The following CIMIP6 variants were observed in gnomAD, a reference collection of about 807,000 sequenced individuals.
CIMIP6 encodes the protein ciliary microtubule inner protein 6.
the CIMIP6 span, among the ~76,000 whole-genome samples, chr2:54,335,361 C>A: frequency 6.6e-6 from 1 of 152,114 alleles, no homozygotes; most frequent in African/African-American, 2.4e-5. Flanking sequence ...CACATACCTT[C>A]TGTAAAATAA....
chr2:54,368,342 G>A, the CIMIP6 span, among the ~76,000 whole-genome samples: 1 of 151,696 alleles, frequency 6.6e-6, no homozygotes, highest in South Asian at 2.1e-4. Context: ...TTTGTGTACA[G>A]TAATTCTTAT....
At chr2:54,370,493 G>A in the CIMIP6 span, among the ~76,000 whole-genome samples, 6 of 151,804 alleles carry the variant, frequency 4.0e-5, no homozygotes, top group Non-Finnish European at 7.4e-5. Context: ...TACAGAACTT[G>A]CCATACAGTT....
chr2:54,346,961 T>A, the CIMIP6 span, among the ~76,000 whole-genome samples: 2 of 152,238 alleles, frequency 1.3e-5, no homozygotes, highest in African/African-American at 2.4e-5. Flanking sequence ...CTATTGCTCA[T>A]AATGTGAGGA....
chr2:54,377,941 A>G, the CIMIP6 span, among the ~76,000 whole-genome samples: 2 of 152,236 alleles, frequency 1.3e-5, no homozygotes, highest in South Asian at 2.1e-4. Context: ...CGTGTGAAGT[A>G]TAAGGGTTGA....
At chr2:54,361,583 A>C in the CIMIP6 span, 3 of 152,214 alleles carry the variant, frequency 2.0e-5, no homozygotes, top group Non-Finnish European at 4.4e-5. Context: ...ACTGCAAAAT[A>C]ATGAATGTCA....
the CIMIP6 span, among the ~76,000 whole-genome samples, chr2:54,379,959 AAG>A: frequency 4.1e-4 from 59 of 144,388 alleles, 2 homozygotes; most frequent in African/African-American, 1.6e-3. Flanking sequence ...CCTGGGTGAC[AAG>A]AGTGAAAGTC....
the CIMIP6 span, among the ~76,000 whole-genome samples, chr2:54,366,912 T>C: frequency 3.9e-5 from 6 of 152,094 alleles, no homozygotes; most frequent in Admixed American, 6.6e-5. Flanking sequence ...ATATTTTAAC[T>C]CAGTAATCTC....
chr2:54,372,812 G>A, the CIMIP6 span, among the ~76,000 whole-genome samples: 5 of 152,320 alleles, frequency 3.3e-5, no homozygotes, highest in East Asian at 9.6e-4. Context: ...ACAAAGTGGT[G>A]GTGTTTGCTG....
the CIMIP6 span, among the ~76,000 whole-genome samples, chr2:54,382,738 C>T: frequency 1.3e-5 from 2 of 152,192 alleles, no homozygotes; most frequent in Non-Finnish European, 2.9e-5. Flanking sequence ...TTCACATTCA[C>T]TTAATTGGAC....
At chr2:54,343,079 G>A in the CIMIP6 span, among the ~76,000 whole-genome samples, 1 of 152,250 alleles carries the variant, frequency 6.6e-6, no homozygotes, top group South Asian at 2.1e-4. Context: ...TTAGAACAAA[G>A]TTTATCAAAC....
chr2:54,355,389 C>G, the CIMIP6 span, among the ~76,000 whole-genome samples: 7 of 152,236 alleles, frequency 4.6e-5, no homozygotes, highest in Admixed American at 3.9e-4. Context: ...GGCACTCACT[C>G]CCAGGGTCAT....
At chr2:54,331,216 G>A in the CIMIP6 span, among the ~76,000 whole-genome samples, 6 of 152,012 alleles carry the variant, frequency 3.9e-5, no homozygotes, top group Admixed American at 3.3e-4. Flanking sequence ...TTGCATTACC[G>A]GATCTAAAAT....
chr2:54,381,288 G>A, the CIMIP6 span, among the ~76,000 whole-genome samples: 4 of 152,094 alleles, frequency 2.6e-5, no homozygotes, highest in East Asian at 1.9e-4. Flanking sequence ...CTAATCTGAG[G>A]TTCTACTCCA....
chr2:54,368,045 C>G, the CIMIP6 span, among the ~76,000 whole-genome samples: 1 of 152,138 alleles, frequency 6.6e-6, no homozygotes, highest in African/African-American at 2.4e-5. Flanking sequence ...GTTTCACAAT[C>G]ATAAGCAAAA....
chr2:54,332,317 T>C, the CIMIP6 span, among the ~76,000 whole-genome samples: 1 of 152,236 alleles, frequency 6.6e-6, no homozygotes, highest in East Asian at 1.9e-4. Flanking sequence ...TAACAGACTA[T>C]ATAATTTACT....
chr2:54,333,191 T>C, the CIMIP6 span, among the ~76,000 whole-genome samples: 1 of 152,238 alleles, frequency 6.6e-6, no homozygotes, highest in Non-Finnish European at 1.5e-5. Context: ...AGGATATTTG[T>C]AGTGCTTACT....
the CIMIP6 span, among the ~76,000 whole-genome samples, chr2:54,332,110 G>T: frequency 6.6e-6 from 1 of 152,168 alleles, no homozygotes; most frequent in Non-Finnish European, 1.5e-5. Context: ...TTACACTTCT[G>T]CTGGGAAGCT....
chr2:54,362,170 A>C, the CIMIP6 span, among the ~76,000 whole-genome samples: 1 of 152,220 alleles, frequency 6.6e-6, no homozygotes, highest in Non-Finnish European at 1.5e-5. Context: ...AAGCAAATGC[A>C]AACCCTCCCT....
At chr2:54,351,049 T>C in the CIMIP6 span, among the ~76,000 whole-genome samples, 1 of 152,226 alleles carries the variant, frequency 6.6e-6, no homozygotes, top group Non-Finnish European at 1.5e-5. Context: ...TTGAACATTA[T>C]AAATTTGAAA....
Sources: gnomAD v4.1 joint callset for allele counts (sites outside exome capture counted in the v4.1 genomes callset) on GRCh38, gnomAD v4.1.1 for gene constraint, MANE v1.5 for transcripts, NCBI Gene and HGNC (gene_info 2026-07-23, HGNC 2026-07-21) for gene names.